ANO6: variants seen among roughly 807,000 people sequenced by gnomAD.
ANO6 encodes the protein anoctamin-6.
ANO6 carries 106 observed loss-of-function variants against 117.5 expected under a neutral mutation model. That is an observed-to-expected ratio of 0.90 (90% CI 0.77 to 1.06). The LOEUF (loss-of-function observed/expected upper bound fraction) is 1.06, where lower values mean the gene tolerates loss of function less well. ANO6 is among the 50% of genes least tolerant of loss of function. The probability of loss-of-function intolerance (pLI) is 0.00; values close to 1 mark genes in which losing one functional copy is unlikely to be tolerated. For synonymous variants in ANO6, 367 were observed against 385.1 expected, an observed-to-expected ratio of 0.95 and a Z score of 0.55; for missense variants, 955 against 1,121.1, an observed-to-expected ratio of 0.85 and a Z score of 2.12.
At chr12:45,389,110 G>C (rs1038780873) in intron 11 of ANO6, among the ~76,000 whole-genome samples, 2 of 152,182 alleles carry the variant, frequency 1.3e-5, no homozygotes, top group Non-Finnish European at 2.9e-5. Flanking sequence ...AAGAATGTCT[G>C]AAAGTGTTCC....
At position 45,216,167 on chromosome 12, in the gene ANO6, C is replaced by T; in HGVS notation, c.-155C>T. 2 of 832,544 alleles carry T rather than the reference C, an allele frequency of 2.4e-6. No individual in the cohort carries two copies. The highest frequency in any genetic ancestry group is 3.8e-6 in the Non-Finnish European group (2 of 529,362). 51.6% of individuals were successfully genotyped at this position (832,544 alleles called of 1,614,324 possible). On this transcript the variant is annotated 5_prime_UTR_variant, in exon 1 of 20. Coordinates refer to ENST00000320560, the MANE Select transcript of ANO6 (RefSeq NM_001025356.3). ...GCTCCGGTCGGTGGGTGCCTCGGCTCGGCTTTCCCCGGCGCTGGCTGGGCT... is the reference window on the plus strand; with the variant it reads ...GCTCCGGTCGGTGGGTGCCTCGGCTTGGCTTTCCCCGGCGCTGGCTGGGCT...
At chr12:45,313,090 T>C (rs1262842457) in intron 2 of ANO6, 1 of 152,086 alleles carries the variant, frequency 6.6e-6, no homozygotes. Context: ...AAAGCAAATA[T>C]ACCATCTGTG....
At chr12:45,227,502 C>T (rs1055023091) in intron 1 of ANO6, among the ~76,000 whole-genome samples, 1 of 152,116 alleles carries the variant, frequency 6.6e-6, no homozygotes, top group African/African-American at 2.4e-5. Flanking sequence ...TTCTTCAGTC[C>T]TGTGTGGTTG....
At chr12:45,392,936 C>T (rs1942495233) in intron 12 of ANO6, among the ~76,000 whole-genome samples, 2 of 152,322 alleles carry the variant, frequency 1.3e-5, no homozygotes, top group African/African-American at 2.4e-5. Flanking sequence ...AGCATCTCTT[C>T]CCCTCCAGAG....
At chr12:45,282,329 T>C (rs1938767040) in intron 1 of ANO6, among the ~76,000 whole-genome samples, 1 of 152,206 alleles carries the variant, frequency 6.6e-6, no homozygotes, top group Non-Finnish European at 1.5e-5. Flanking sequence ...CTACCTGTGT[T>C]AACAGTTGCC....
chr12:45,433,094 C>T (rs144544361), downstream of ANO6, among the ~76,000 whole-genome samples: 5 of 152,300 alleles, frequency 3.3e-5, no homozygotes, highest in African/African-American at 1.2e-4. Flanking sequence ...TAATTTTGGT[C>T]CCGGCTTATA....
At chr12:45,434,714 T>C (rs1201812844), downstream of ANO6, among the ~76,000 whole-genome samples, 1 of 152,158 alleles carries the variant, frequency 6.6e-6, no homozygotes, top group African/African-American at 2.4e-5. Flanking sequence ...CCTCTGGGTA[T>C]AACTAAGAAA....
intron 15 of ANO6, among the ~76,000 whole-genome samples, chr12:45,404,339 A>G (rs1942877376): frequency 6.6e-6 from 1 of 152,206 alleles, no homozygotes; most frequent in Non-Finnish European, 1.5e-5. Flanking sequence ...CAAAGTGTAA[A>G]GTCCAACACC....
Position 45,403,086 on chromosome 12 carries a change from C to T in ANO6, c.1627C>T (p.Gln543Ter), listed in dbSNP as rs1304677504. 1.2e-6 allele frequency: 2 copies of T among 1,613,906 alleles called. No homozygotes were observed. The highest frequency in any genetic ancestry group is 1.7e-6 in the Non-Finnish European group (2 of 1,179,914). ...TTTAACTACAGAACTCCCAAGGACC[C>T]AGACTGATTATGAGAACAGCCTCAC... ...MITNFELPRT[Q>*]TDYENSLTMK... is the part of the protein sequence containing the mutation. Residue 543 changes from glutamine to a stop codon, truncating the protein, a stop_gained, in exon 14 of 20, where the codon CAG becomes TAG. Coordinates refer to ENST00000320560, the MANE Select transcript of ANO6 (RefSeq NM_001025356.3). LOFTEE classifies it high-confidence loss of function.
chr12:45,253,997 T>C (rs1321836210), intron 1 of ANO6, among the ~76,000 whole-genome samples: 1 of 152,088 alleles, frequency 6.6e-6, no homozygotes, highest in Non-Finnish European at 1.5e-5. Context: ...TGAAACCCCG[T>C]CTGTATTAAA....
intron 1 of ANO6, among the ~76,000 whole-genome samples, chr12:45,238,318 T>G (rs1316975124): frequency 6.6e-6 from 1 of 151,888 alleles, no homozygotes; most frequent in Non-Finnish European, 1.5e-5. Flanking sequence ...GACCGGCTAA[T>G]TTTTCTATTT....
chr12:45,261,265 G>A (rs929425322), intron 1 of ANO6, among the ~76,000 whole-genome samples: 6 of 152,208 alleles, frequency 3.9e-5, no homozygotes, highest in Non-Finnish European at 7.3e-5. Flanking sequence ...AGTGAAACTC[G>A]AAAAGGATTC....
chr12:45,225,801 G>A (rs2137128077), intron 1 of ANO6, among the ~76,000 whole-genome samples: 1 of 152,246 alleles, frequency 6.6e-6, no homozygotes, highest in African/African-American at 2.4e-5. Context: ...TGGAAGCTTT[G>A]CATGCCATAT....
chr12:45,252,620 G>A (rs1181128439), intron 1 of ANO6, among the ~76,000 whole-genome samples: 2 of 152,156 alleles, frequency 1.3e-5, no homozygotes, highest in East Asian at 3.8e-4. Flanking sequence ...TCACCCCTGT[G>A]AAGGAGTTCT....
intron 17 of ANO6, among the ~76,000 whole-genome samples, chr12:45,420,227 A>G (rs1005972604): frequency 2.0e-5 from 3 of 152,196 alleles, no homozygotes; most frequent in Non-Finnish European, 4.4e-5. Flanking sequence ...TTAAATTTAG[A>G]TCAAGGAAAA....
At chr12:45,364,438 G>T (rs1419836017) in intron 8 of ANO6, among the ~76,000 whole-genome samples, 1 of 151,964 alleles carries the variant, frequency 6.6e-6, no homozygotes, top group Non-Finnish European at 1.5e-5. Context: ...TGTATGTGTT[G>T]GTATATTTGA....
At chr12:45,399,284 C>T (rs1942718062) in intron 12 of ANO6, among the ~76,000 whole-genome samples, 1 of 152,156 alleles carries the variant, frequency 6.6e-6, no homozygotes. Context: ...CAACCTCCGC[C>T]TCCCGCGTTC....
chr12:45,372,837 A>G (rs1291398258), intron 9 of ANO6, among the ~76,000 whole-genome samples: 1 of 152,210 alleles, frequency 6.6e-6, no homozygotes, highest in Admixed American at 6.5e-5. Flanking sequence ...CATCATCATG[A>G]CAGGATCAAA....
Position 45,429,774 on chromosome 12 carries a change from C to T in ANO6, c.*463C>T. 1 of 998,070 alleles carries T rather than the reference C, an allele frequency of 1.0e-6. No individual in the cohort carries two copies. The highest frequency in any genetic ancestry group is 1.2e-6 in the Non-Finnish European group (1 of 837,018). The allele number at this position is 998,070 out of a possible 1,614,324, so 61.8% of individuals were successfully genotyped here. The stretch of plus-strand genomic sequence containing the variant: ...CATCATTATAGATTTAATTTAATAG[C>T]TTTCATGTGATTAAAAATAGCTAAC... On this transcript the variant is annotated 3_prime_UTR_variant, in exon 20 of 20. Coordinates refer to ENST00000320560, the MANE Select transcript of ANO6 (RefSeq NM_001025356.3).
Sources: gnomAD v4.1 joint callset for allele counts (sites outside exome capture counted in the v4.1 genomes callset) on GRCh38, gnomAD v4.1.1 for gene constraint, MANE v1.5 for transcripts, NCBI Gene and HGNC (gene_info 2026-07-23, HGNC 2026-07-21) for gene names.